The following ZSWIM5 variants were observed in gnomAD, a reference collection of about 807,000 sequenced individuals.
ZSWIM5 encodes the protein zinc finger SWIM-type containing 5.
Under a neutral mutation model 119.6 loss-of-function variants are expected in ZSWIM5, and 55 were observed. That is an observed-to-expected ratio of 0.46 (90% CI 0.37 to 0.58). The LOEUF is 0.58. Ranked by LOEUF, ZSWIM5 falls within the 20% of genes least tolerant of loss-of-function variation. The pLI is 0.00. For synonymous variants in ZSWIM5, 537 were observed against 606.9 expected (o/e 0.88, Z 1.69); for missense variants, 1,193 against 1,512.8 (o/e 0.79, Z 3.51).
intron 1 of ZSWIM5, among the ~76,000 whole-genome samples, chr1:45,180,239 G>C (rs1376495910): frequency 1.3e-5 from 2 of 152,144 alleles, no homozygotes; most frequent in Non-Finnish European, 2.9e-5. Flanking sequence ...CGAATACTGC[G>C]CTTTTCCGAC....
At position 45,034,309 on chromosome 1, in the gene ZSWIM5, C is replaced by T; in HGVS notation, c.2449+3G>A. 2 of 1,598,308 alleles carry T rather than the reference C, an allele frequency of 1.3e-6. No homozygotes were observed. The highest frequency in any genetic ancestry group is 8.5e-7 in the Non-Finnish European group (1 of 1,172,134). ...CTGGAGCTTAAGGTCTATCTATGCT[C>T]ACCTTTGGCAGCAGTCAGCATGGTG... On this transcript the variant is annotated splice_donor_region_variant and intron_variant, in intron 11 of 13. Coordinates refer to ENST00000359600, the MANE Select transcript of ZSWIM5 (RefSeq NM_020883.2).
intron 1 of ZSWIM5, among the ~76,000 whole-genome samples, chr1:45,116,878 C>T (rs1645561585): frequency 6.6e-6 from 1 of 152,114 alleles, no homozygotes; most frequent in South Asian, 2.1e-4. Context: ...TGTCCATACC[C>T]ATCTTGGATA....
intron 1 of ZSWIM5, among the ~76,000 whole-genome samples, chr1:45,092,239 T>C (rs1208752173): frequency 6.6e-6 from 1 of 152,192 alleles, no homozygotes; most frequent in African/African-American, 2.4e-5. Flanking sequence ...ACACACTTAA[T>C]TGTCACAGTT....
chr1:45,066,261 T>C (rs1050391849), intron 2 of ZSWIM5, among the ~76,000 whole-genome samples: 19 of 152,286 alleles, frequency 1.2e-4, no homozygotes, highest in African/African-American at 4.1e-4. Context: ...CATTTTCATT[T>C]CTAAGACATT....
chr1:45,056,347 C>A (rs1007604019), intron 4 of ZSWIM5, among the ~76,000 whole-genome samples: 1 of 152,128 alleles, frequency 6.6e-6, no homozygotes, highest in African/African-American at 2.4e-5. Flanking sequence ...AATCTCAACA[C>A]TTTGGGAGGC....
chr1:45,161,675 A>G (rs957920910), intron 1 of ZSWIM5, among the ~76,000 whole-genome samples: 1 of 152,180 alleles, frequency 6.6e-6, no homozygotes, highest in Non-Finnish European at 1.5e-5. Flanking sequence ...AGTTATAATT[A>G]CAATAAAGTT....
At chr1:45,169,590 T>C (rs1418426801) in intron 1 of ZSWIM5, among the ~76,000 whole-genome samples, 1 of 152,026 alleles carries the variant, frequency 6.6e-6, no homozygotes, top group Non-Finnish European at 1.5e-5. Context: ...AACTGCCAGA[T>C]TAAATTTCCT....
chr1:45,117,413 A>T (rs2149026408), intron 1 of ZSWIM5, among the ~76,000 whole-genome samples: 1 of 152,324 alleles, frequency 6.6e-6, no homozygotes, highest in East Asian at 1.9e-4. Context: ...AGTGGCTCAC[A>T]CCTATAATCC....
intron 5 of ZSWIM5, among the ~76,000 whole-genome samples, chr1:45,046,008 T>A (rs971143321): frequency 1.3e-5 from 2 of 151,716 alleles, no homozygotes; most frequent in Non-Finnish European, 2.9e-5. Context: ...ATTTGGAGTG[T>A]TTGAGAAGAG....
In ZSWIM5 at chr1:45,054,101, G is replaced by A. The variant is rs774422777; in HGVS notation, c.1253-2848C>T. Among the ~76,000 whole-genome samples, 64 of 152,132 alleles carry A rather than the reference G, an allele frequency of 4.2e-4. 1 individual carries two copies. Among genetic ancestry groups the A allele is most frequent in the Non-Finnish European group, 3.4e-4 (23 of 67,980 alleles). On this transcript the variant is annotated intron_variant, in intron 4 of 13. Transcript: ENST00000359600. ...TTGAGATCAGCCTGGGCAACATAGT[G>A]AGACCCTACCTCTACAAAAAATTAG... is the stretch of plus-strand genomic sequence containing the variant.
intron 1 of ZSWIM5, among the ~76,000 whole-genome samples, chr1:45,167,004 C>T (rs1425551015): frequency 1.3e-5 from 2 of 152,048 alleles, no homozygotes; most frequent in Non-Finnish European, 2.9e-5. Context: ...AAAAAGAGCC[C>T]GCATTGCCAA....
chr1:45,114,848 T>C (rs980119939), intron 1 of ZSWIM5, among the ~76,000 whole-genome samples: 1 of 152,202 alleles, frequency 6.6e-6, no homozygotes, highest in African/African-American at 2.4e-5. Flanking sequence ...GTGATGACTC[T>C]TAATGAGCAT....
Position 45,206,068 on chromosome 1 carries a change from G to A in ZSWIM5, c.283C>T (p.Arg95Cys), listed in dbSNP as rs1646188266. 6.2e-7 allele frequency: 1 copy of A among 1,611,480 alleles called. No homozygotes were observed. The highest frequency in any genetic ancestry group is 1.1e-5 in the South Asian group (1 of 91,022). Residue 95 changes from arginine to cysteine, a missense_variant, in exon 1 of 14, where the codon CGC becomes TGC. Physicochemically the swap from Arg to Cys is radical, Grantham distance 180. Around this residue, in one of 2 missense-constraint regions of ZSWIM5, gnomAD observed 232 missense variants for 222.9 expected, o/e 1.04. Coordinates refer to ENST00000359600, the MANE Select transcript of ZSWIM5 (RefSeq NM_020883.2). ...GGGAAGGACCAGTAGACGATGCGGC[G>A]CTGCACGGGCTCCGGGATCCGCTCG... ...RFERIPEPVQ[R>C]RIVYWSFPRN...
At chr1:45,179,616 T>G (rs1182359217) in intron 1 of ZSWIM5, among the ~76,000 whole-genome samples, 2 of 152,084 alleles carry the variant, frequency 1.3e-5, no homozygotes, top group Non-Finnish European at 2.9e-5. Flanking sequence ...TGAAAAAAGA[T>G]AAAACTTCAA....
intron 1 of ZSWIM5, among the ~76,000 whole-genome samples, chr1:45,188,624 G>C (rs1458960964): frequency 6.6e-6 from 1 of 152,130 alleles, no homozygotes; most frequent in African/African-American, 2.4e-5. Context: ...TATTAGGTGG[G>C]GAAAACCTGC....
intron 1 of ZSWIM5, among the ~76,000 whole-genome samples, chr1:45,096,596 C>G (rs1412804713): frequency 6.6e-6 from 1 of 152,124 alleles, no homozygotes; most frequent in African/African-American, 2.4e-5. Flanking sequence ...TGCTTTAACA[C>G]TGAGCAGGCC....
chr1:45,108,160 C>T (rs79359307), intron 1 of ZSWIM5, among the ~76,000 whole-genome samples: 3,128 of 152,248 alleles, frequency 0.021, 115 homozygotes, highest in African/African-American at 0.072. Flanking sequence ...AATCACCCTC[C>T]TCAAGCATTT....
intron 1 of ZSWIM5, among the ~76,000 whole-genome samples, chr1:45,169,405 G>C (rs1645930889): frequency 6.6e-6 from 1 of 151,874 alleles, no homozygotes; most frequent in African/African-American, 2.4e-5. Context: ...TACCATAAAA[G>C]AGACAAAGAT....
chr1:45,048,342 G>T (rs1230572639), intron 5 of ZSWIM5, among the ~76,000 whole-genome samples: 1 of 151,918 alleles, frequency 6.6e-6, no homozygotes, highest in African/African-American at 2.4e-5. Flanking sequence ...GCCCGGCATG[G>T]TTGTTTCTCT....
Sources: allele counts gnomAD v4.1 joint callset (sites outside exome capture counted in the v4.1 genomes callset), GRCh38; gene constraint gnomAD v4.1.1; regional missense constraint gnomAD v4.1.1; transcripts MANE v1.5; gene names NCBI Gene and HGNC (gene_info 2026-07-23, HGNC 2026-07-21).